The following APBB2 variants were observed in gnomAD, a reference collection of about 807,000 sequenced individuals.
The protein encoded by APBB2 is amyloid beta precursor protein binding family B member 2, also known as Fe65-like 1.
APBB2 carries 38 observed loss-of-function variants against 82.5 expected under a neutral mutation model. The ratio of observed to expected loss-of-function variants is 0.46; its 90% CI spans 0.36 to 0.60. APBB2 has a LOEUF of 0.60. APBB2 is among the 20% of genes least tolerant of loss of function. The pLI is 0.00. For missense variants in APBB2, 772 were observed against 972.3 expected, an observed-to-expected ratio of 0.79 and a Z score of 2.74; for synonymous variants, 341 against 368.2, an observed-to-expected ratio of 0.93 and a Z score of 0.85.
At chr4:41,141,018 G>A (rs1349856313) in intron 2 of APBB2, among the ~76,000 whole-genome samples, 1 of 152,136 alleles carries the variant, frequency 6.6e-6, no homozygotes, top group African/African-American at 2.4e-5. Context: ...AGATCATCCT[G>A]AAACCATCCC....
chr4:40,918,355 T>C (rs1199609289), intron 10 of APBB2, among the ~76,000 whole-genome samples: 4 of 152,234 alleles, frequency 2.6e-5, no homozygotes, highest in Admixed American at 6.5e-5. Context: ...CACCAACACA[T>C]GCTTGAGTGC....
intron 10 of APBB2, among the ~76,000 whole-genome samples, chr4:40,918,920 AT>A (rs33919557): frequency 0.048 from 7,201 of 151,342 alleles, 539 homozygotes; most frequent in African/African-American, 0.16. Context: ...TGCAATTTCC[AT>A]TTTTACATTT....
chr4:41,050,369 T>C (rs752655813), intron 4 of APBB2, among the ~76,000 whole-genome samples: 1 of 152,198 alleles, frequency 6.6e-6, no homozygotes, highest in Non-Finnish European at 1.5e-5. Context: ...GAAGTAAATA[T>C]CACCATCCCC....
intron 12 of APBB2, chr4:40,879,939 G>A (rs531998720): frequency 4.4e-4 from 394 of 888,702 alleles, no homozygotes; most frequent in Non-Finnish European, 4.8e-4. Flanking sequence ...TGATCTGCCC[G>A]CCTCAGCCTC....
chr4:41,148,813 T>C (rs931461723), intron 1 of APBB2, among the ~76,000 whole-genome samples: 3 of 152,208 alleles, frequency 2.0e-5, no homozygotes, highest in African/African-American at 7.2e-5. Flanking sequence ...TCAGGTACCA[T>C]TCTAGGTGAT....
chr4:41,082,323 G>T (rs1737938765), intron 3 of APBB2, among the ~76,000 whole-genome samples: 1 of 152,012 alleles, frequency 6.6e-6, no homozygotes, highest in African/African-American at 2.4e-5. Flanking sequence ...TGATAAGTTT[G>T]AGTCTCCCAC....
chr4:40,989,504 T>C (rs982765599), intron 6 of APBB2, among the ~76,000 whole-genome samples: 8 of 150,734 alleles, frequency 5.3e-5, no homozygotes, highest in Admixed American at 3.3e-4. Context: ...GAGTTTTTAA[T>C]TTCCCTTGAG....
intron 1 of APBB2, among the ~76,000 whole-genome samples, chr4:41,146,933 C>T (rs1424789521): frequency 3.9e-5 from 6 of 152,186 alleles, no homozygotes; most frequent in Non-Finnish European, 8.8e-5. Context: ...GGCTCTGTCC[C>T]GCCTCAACTG....
At chr4:40,910,569 G>A (rs182128091) in intron 10 of APBB2, among the ~76,000 whole-genome samples, 304 of 152,246 alleles carry the variant, frequency 2.0e-3, no homozygotes, top group Middle Eastern at 0.014. Context: ...CCCATTCTCT[G>A]CTCTACATTA....
intron 6 of APBB2, among the ~76,000 whole-genome samples, chr4:41,013,078 G>A (rs577409621): frequency 2.8e-4 from 42 of 152,130 alleles, no homozygotes; most frequent in Non-Finnish European, 5.9e-4. Flanking sequence ...CTCAGTAAAT[G>A]TCAAAAAGAG....
intron 12 of APBB2, among the ~76,000 whole-genome samples, chr4:40,871,256 C>T (rs1022362296): frequency 4.6e-5 from 7 of 152,148 alleles, no homozygotes; most frequent in East Asian, 1.9e-4. Flanking sequence ...GCGATCCTCC[C>T]GCCTCAGACT....
At chr4:40,822,434 A>G in intron 16 of APBB2, 1 of 171,036 alleles carries the variant, frequency 5.8e-6, no homozygotes, top group Non-Finnish European at 1.2e-5. Context: ...ACCAGAAAAA[A>G]GGGATTCACG....
intron 4 of APBB2, among the ~76,000 whole-genome samples, chr4:41,038,231 T>TAAAA (rs1720017290): frequency 6.6e-6 from 1 of 151,500 alleles, no homozygotes; most frequent in African/African-American, 2.4e-5. Flanking sequence ...AATAAATAAA[T>TAAAA]AAATAGATAA....
chr4:41,016,766 G>A (rs577024430), intron 5 of APBB2, among the ~76,000 whole-genome samples: 1 of 152,044 alleles, frequency 6.6e-6, no homozygotes, highest in Admixed American at 6.5e-5. Flanking sequence ...ATGGAGGGCA[G>A]GCAGGAGGGG....
chr4:40,856,155 AG>A (rs959681851), intron 12 of APBB2, among the ~76,000 whole-genome samples: 3 of 152,234 alleles, frequency 2.0e-5, no homozygotes, highest in African/African-American at 7.2e-5. Context: ...AGTCAAAGCC[AG>A]GCTGCAGCTG....
chr4:41,143,929 C>A (rs1296383684), intron 1 of APBB2, among the ~76,000 whole-genome samples: 1 of 152,238 alleles, frequency 6.6e-6, no homozygotes, highest in African/African-American at 2.4e-5. Flanking sequence ...CGCTGCCATG[C>A]TTTAGCTAGA....
intron 2 of APBB2, among the ~76,000 whole-genome samples, chr4:41,102,133 G>C (rs955456003): frequency 4.6e-5 from 7 of 151,984 alleles, no homozygotes; most frequent in African/African-American, 1.5e-4. Flanking sequence ...CCTATTACAG[G>C]ACTTCTACTA....
At chr4:41,205,433 A>G (rs115639969) in intron 1 of APBB2, among the ~76,000 whole-genome samples, 2,471 of 152,304 alleles carry the variant, frequency 0.016, 62 homozygotes, top group African/African-American at 0.057. Flanking sequence ...AAGGAAAATC[A>G]TAAATATAAT....
chr4:41,109,077 G>A (rs1748248400), intron 2 of APBB2, among the ~76,000 whole-genome samples: 1 of 152,064 alleles, frequency 6.6e-6, no homozygotes, highest in African/African-American at 2.4e-5. Context: ...TCCACTGCAA[G>A]CCAGTGCTTT....
Sources: allele counts gnomAD v4.1 joint callset (sites outside exome capture counted in the v4.1 genomes callset), GRCh38; gene constraint gnomAD v4.1.1; transcripts MANE v1.5; gene names NCBI Gene and HGNC (gene_info 2026-07-23, HGNC 2026-07-21).